The following PIWIL2 variants were observed in gnomAD, a reference collection of about 807,000 sequenced individuals.
The protein encoded by PIWIL2 is piwi-like protein 2.
PIWIL2 carries 81 observed loss-of-function variants against 116.5 expected under a neutral mutation model. That is an observed-to-expected ratio of 0.70 (90% confidence interval 0.58 to 0.84). The LOEUF is 0.84. PIWIL2 is among the 40% of genes least tolerant of loss of function. The pLI is 0.00. For missense variants in PIWIL2, 1,272 were observed against 1,212.3 expected (o/e 1.05, Z -0.73); for synonymous variants, 489 against 429.5 (o/e 1.14, Z -1.71).
At chr8:22,349,046 TTTTTC>T (rs1277327952) in intron 20 of PIWIL2, among the ~76,000 whole-genome samples, 5 of 111,332 alleles carry the variant, frequency 4.5e-5, no homozygotes, top group East Asian at 4.7e-4. Flanking sequence ...CTATTTTTCT[TTTTTC>T]TTTTTTTTTT....
chr8:22,349,051 CT>C (rs35385064), intron 20 of PIWIL2, among the ~76,000 whole-genome samples: 111 of 136,752 alleles, frequency 8.1e-4, no homozygotes, highest in Middle Eastern at 7.4e-3. Context: ...TTTCTTTTTT[CT>C]TTTTTTTTTT....
At chr8:22,339,614 C>T (rs989315322) in intron 20 of PIWIL2, among the ~76,000 whole-genome samples, 2 of 152,128 alleles carry the variant, frequency 1.3e-5, no homozygotes, top group African/African-American at 4.8e-5. Flanking sequence ...GAAGCAAAAG[C>T]AGCCAAAGAA....
chr8:22,329,836 C>T (rs1026540045), intron 20 of PIWIL2, among the ~76,000 whole-genome samples: 13 of 152,184 alleles, frequency 8.5e-5, no homozygotes, highest in African/African-American at 2.9e-4. Flanking sequence ...AATAGGCTTA[C>T]ACAGTTATGG....
intron 20 of PIWIL2, among the ~76,000 whole-genome samples, chr8:22,335,297 C>G (rs1269867844): frequency 6.6e-6 from 1 of 152,096 alleles, no homozygotes; most frequent in Non-Finnish European, 1.5e-5. Flanking sequence ...GAACTCAACA[C>G]TCAAAAGATA....
intron 15 of PIWIL2, among the ~76,000 whole-genome samples, 162 bp downstream of exon 15, chr8:22,310,236 A>G (rs1416934891): frequency 6.6e-6 from 1 of 152,222 alleles, no homozygotes; most frequent in Admixed American, 6.5e-5. Context: ...AGAGCAGTTG[A>G]TGAGTTGTTA....
At chr8:22,351,712 A>G (rs1832367386) in intron 20 of PIWIL2, among the ~76,000 whole-genome samples, 1 of 150,208 alleles carries the variant, frequency 6.7e-6, no homozygotes, top group Non-Finnish European at 1.5e-5. Flanking sequence ...TAATTTTTGT[A>G]TTTTTAGTAG....
At chr8:22,348,897 G>C (rs1832288427) in intron 20 of PIWIL2, among the ~76,000 whole-genome samples, 1 of 152,156 alleles carries the variant, frequency 6.6e-6, no homozygotes, top group African/African-American at 2.4e-5. Flanking sequence ...ATTATTTTTA[G>C]ATTTTTCAGC....
intron 6 of PIWIL2, among the ~76,000 whole-genome samples, chr8:22,285,441 T>C (rs769696867): frequency 2.0e-5 from 3 of 152,206 alleles, no homozygotes; most frequent in Non-Finnish European, 4.4e-5. Flanking sequence ...CCGTTGTGTA[T>C]GTATACCACT....
intron 20 of PIWIL2, among the ~76,000 whole-genome samples, chr8:22,348,563 T>G (rs1586600194): frequency 1.3e-5 from 2 of 151,956 alleles, no homozygotes; most frequent in Admixed American, 6.6e-5. Flanking sequence ...ATAACATACA[T>G]TTAGGAGTTC....
intron 2 of PIWIL2, among the ~76,000 whole-genome samples, chr8:22,280,890 G>A (rs920162789): frequency 1.3e-5 from 2 of 152,056 alleles, no homozygotes; most frequent in Non-Finnish European, 2.9e-5. Flanking sequence ...CTGTTCTGTT[G>A]CATTTTGTTA....
chr8:22,335,323 A>G (rs1035924724), intron 20 of PIWIL2, among the ~76,000 whole-genome samples: 5 of 152,112 alleles, frequency 3.3e-5, no homozygotes, highest in Admixed American at 2.6e-4. Flanking sequence ...TGACAGTACA[A>G]ATTCAAAGAA....
At chr8:22,317,807 C>T (rs1831498391) in intron 19 of PIWIL2, among the ~76,000 whole-genome samples, 1 of 151,938 alleles carries the variant, frequency 6.6e-6, no homozygotes, top group African/African-American at 2.4e-5. Flanking sequence ...CTACAGGTGT[C>T]CGCCACCACG....
intron 9 of PIWIL2, 58 bp downstream of exon 9, chr8:22,289,985 A>C (rs1830722486): frequency 1.8e-6 from 2 of 1,127,284 alleles, no homozygotes; most frequent in Non-Finnish European, 2.7e-6. Context: ...AGTTTCCATT[A>C]CAACCATTGT....
chr8:22,332,101 G>A (rs1319772010), intron 20 of PIWIL2, among the ~76,000 whole-genome samples: 1 of 151,960 alleles, frequency 6.6e-6, no homozygotes. Flanking sequence ...TATGAAGTCA[G>A]GTGTTCAAGA....
At chr8:22,335,448 C>T (rs1831958564) in intron 20 of PIWIL2, among the ~76,000 whole-genome samples, 2 of 151,762 alleles carry the variant, frequency 1.3e-5, no homozygotes, top group African/African-American at 4.8e-5. Context: ...TCACTGCAGC[C>T]TCAAGCTCCT....
rs544258049 is a variant in PIWIL2 at position 22,306,812 on chromosome 8, T to A, written c.1545+796T>A. Among the ~76,000 whole-genome samples, 12 of 152,262 alleles carry A rather than the reference T, an allele frequency of 7.9e-5. No individual in the cohort carries two copies. In the South Asian group the frequency reaches 1.7e-3, roughly 21 times the overall value. On this transcript the variant is annotated intron_variant, in intron 13 of 22. Transcript: ENST00000356766. ...TAGGTCAAGGCCTTTTCTATACAAC[T>A]CCCAGTTGCCTGATGACTTTATGAT... is the stretch of plus-strand genomic sequence containing the variant.
intron 10 of PIWIL2, among the ~76,000 whole-genome samples, chr8:22,302,107 AT>A (rs1463967337): frequency 6.6e-6 from 1 of 151,722 alleles, no homozygotes; most frequent in African/African-American, 2.4e-5. Context: ...GTGTATTATA[AT>A]TTTCAAATAT....
intron 4 of PIWIL2, 132 bp downstream of exon 4, chr8:22,281,647 T>C (rs1830505271): frequency 1.4e-6 from 1 of 729,290 alleles, no homozygotes; most frequent in Non-Finnish European, 2.1e-6. Context: ...AATGCATATT[T>C]CTCAAGAGTA....
chr8:22,306,463 T>A lies in PIWIL2; in HGVS notation c.1545+447T>A, dbSNP rs12678456. ...AAATAAGTCAGGAGATGAGGATGGT[T>A]TATCTTGTGGGGCCCTGAGTGTCCT... is the stretch of plus-strand genomic sequence containing the variant. On this transcript the variant is annotated intron_variant, in intron 13 of 22. Coordinates refer to ENST00000356766, the MANE Select transcript of PIWIL2 (RefSeq NM_018068.5). Among the ~76,000 whole-genome samples, 99 of 152,248 alleles carry A rather than the reference T, an allele frequency of 6.5e-4. No homozygotes were observed. The East Asian group carries it at 0.016, about 25-fold the overall frequency.
Sources: allele counts gnomAD v4.1 joint callset (sites outside exome capture counted in the v4.1 genomes callset), GRCh38; gene constraint gnomAD v4.1.1; transcripts MANE v1.5; gene names NCBI Gene and HGNC (gene_info 2026-07-23, HGNC 2026-07-21).